ROCK1: variants seen among roughly 807,000 people sequenced by gnomAD.
ROCK1 encodes the protein rho-associated protein kinase 1.
A neutral mutation model predicts 196.8 loss-of-function variants in ROCK1; 36 were observed. The ratio of observed to expected loss-of-function variants is 0.18; its 90% confidence interval spans 0.14 to 0.24. The LOEUF (loss-of-function observed/expected upper bound fraction) is 0.24. Ranked by LOEUF, ROCK1 falls within the 10% of genes least tolerant of loss-of-function variation. ROCK1 has a pLI of 1.00. For synonymous variants in ROCK1, 443 were observed against 515.9 expected, an observed-to-expected ratio of 0.86 and a Z score of 1.91; for missense variants, 920 against 1,562.0, an observed-to-expected ratio of 0.59 and a Z score of 6.93.
intron 22 of ROCK1, among the ~76,000 whole-genome samples, chr18:20,972,161 A>G (rs1356887626): frequency 6.6e-5 from 10 of 152,210 alleles, no homozygotes; most frequent in African/African-American, 2.4e-4. Flanking sequence ...AGAAGTGATT[A>G]GAGTCTATAC....
intron 1 of ROCK1, among the ~76,000 whole-genome samples, chr18:21,107,453 C>G (rs142138113): frequency 1.3e-5 from 2 of 152,216 alleles, no homozygotes; most frequent in South Asian, 4.1e-4. Context: ...AAGGACTGCA[C>G]GTGGCACATA....
chr18:20,993,407 T>C (rs1213343288), intron 16 of ROCK1, among the ~76,000 whole-genome samples: 1 of 152,184 alleles, frequency 6.6e-6, no homozygotes, highest in African/African-American at 2.4e-5. Context: ...TTCACCTTGT[T>C]AGCCAGGATG....
intron 2 of ROCK1, among the ~76,000 whole-genome samples, chr18:21,061,101 CAG>C (rs2036286218): frequency 6.7e-6 from 1 of 148,214 alleles, no homozygotes; most frequent in South Asian, 2.1e-4. Context: ...TTTTTCAAGG[CAG>C]AGTCTTGCTC....
intron 11 of ROCK1, among the ~76,000 whole-genome samples, chr18:21,021,116 T>C (rs1368633426): frequency 6.6e-6 from 1 of 152,152 alleles, no homozygotes; most frequent in Non-Finnish European, 1.5e-5. Context: ...AGGTATCAAT[T>C]GGAAAGCACA....
intron 16 of ROCK1, among the ~76,000 whole-genome samples, chr18:20,997,530 C>T (rs1401652991): frequency 6.6e-6 from 1 of 152,120 alleles, no homozygotes; most frequent in Non-Finnish European, 1.5e-5. Context: ...CAGGGATAGA[C>T]CCCAATCCTG....
At chr18:21,025,194 C>T (rs551173898) in intron 10 of ROCK1, among the ~76,000 whole-genome samples, 2 of 152,254 alleles carry the variant, frequency 1.3e-5, no homozygotes, top group South Asian at 4.1e-4. Flanking sequence ...GGTGCTTTTA[C>T]ATAGAATCTG....
intron 9 of ROCK1, among the ~76,000 whole-genome samples, chr18:21,033,854 T>TAAAAAAAAAAAAAAAAAAAAAAAAAAAAA (rs71269004): frequency 3.0e-5 from 1 of 33,464 alleles, no homozygotes; most frequent in African/African-American, 1.1e-4. Flanking sequence ...CCGTTTCTAC[T>TAAAAAAAAAAAAAAAAAAAAAAAAAAAAA]AAAAAAAAAA....
At chr18:21,070,756 T>C in intron 1 of ROCK1, 143 bp from the exon 2 acceptor site, 1 of 507,764 alleles carries the variant, frequency 2.0e-6, no homozygotes, top group Non-Finnish European at 3.4e-6. Flanking sequence ...CAAGGTTAGA[T>C]GAGTACTGGG....
chr18:21,016,906 A>C (rs1319788754), intron 12 of ROCK1, among the ~76,000 whole-genome samples: 1 of 151,728 alleles, frequency 6.6e-6, no homozygotes, highest in East Asian at 1.9e-4. Flanking sequence ...AGAAAAAAAA[A>C]TTCTCCCCAA....
Position 20,975,155 on chromosome 18 carries a change from G to C in ROCK1, c.2655-4642C>G, listed in dbSNP as rs74567397. On this transcript the variant is annotated intron_variant, in intron 22 of 32. Transcript: ENST00000399799. ...AACAGGTAAGAAAATTATATATTAG[G>C]AGGGAATAAGTGCTGCAGAGAAAAA... Among the ~76,000 whole-genome samples the C allele has an allele frequency of 3.5e-3, 534 of 152,276 alleles. 8 individuals are homozygous for C. The highest frequency in any genetic ancestry group is 0.025 in the East Asian group (131 of 5,194).
At chr18:21,003,439 T>G (rs1352658993) in intron 16 of ROCK1, among the ~76,000 whole-genome samples, 1 of 152,164 alleles carries the variant, frequency 6.6e-6, no homozygotes, top group Non-Finnish European at 1.5e-5. Context: ...TAATTAGATA[T>G]TTTATAATAT....
chr18:21,068,205 C>A (rs2036354077), intron 2 of ROCK1, among the ~76,000 whole-genome samples: 1 of 152,126 alleles, frequency 6.6e-6, no homozygotes, highest in Admixed American at 6.5e-5. Flanking sequence ...TTAGCTCTTA[C>A]ATTTACGTTG....
At position 21,045,492 on chromosome 18, in the gene ROCK1, A is replaced by G. The variant is rs781121177; in HGVS notation, c.415-25T>C. On this transcript the variant is annotated intron_variant, in intron 4 of 32. Coordinates refer to ENST00000399799, the MANE Select transcript of ROCK1 (RefSeq NM_005406.3). ...GCTATACAAATAGAAAAAACAAACA[A>G]AACACATTCATTAATGTTAAACAAA... The G allele has an allele frequency of 2.0e-5, 31 of 1,522,570 alleles. No individual in the cohort carries two copies. The Admixed American group carries it at 5.5e-4, about 27-fold the overall frequency. The allele number at this position is 1,522,570 out of a possible 1,614,324, so 94.3% of individuals were successfully genotyped here. A position where few individuals can be genotyped will look rare whatever the true frequency, so the allele number is the denominator to read the frequency against.
intron 9 of ROCK1, among the ~76,000 whole-genome samples, chr18:21,029,478 A>G (rs905498362): frequency 2.6e-5 from 4 of 152,234 alleles, no homozygotes; most frequent in South Asian, 2.1e-4. Flanking sequence ...CAATATCTCC[A>G]TAAGATTAAG....
chr18:21,003,170 A>G (rs1455528081), intron 16 of ROCK1, among the ~76,000 whole-genome samples: 1 of 152,208 alleles, frequency 6.6e-6, no homozygotes, highest in Non-Finnish European at 1.5e-5. Context: ...ACAGAGCAAC[A>G]TGCTAAATGA....
chr18:20,968,713 A>G lies in ROCK1; in HGVS notation c.3003+59T>C. ...AAGCCTTGGTTTTAGGAAAAAGTGCATAAAGAGCAATGATTAACTCAAAAA... is the reference window on the plus strand; with the variant it reads ...AAGCCTTGGTTTTAGGAAAAAGTGCGTAAAGAGCAATGATTAACTCAAAAA... On this transcript the variant is annotated intron_variant, in intron 25 of 32. Coordinates refer to ENST00000399799, the MANE Select transcript of ROCK1 (RefSeq NM_005406.3). 4.0e-6 allele frequency: 4 copies of G among 1,002,416 alleles called. No individual in the cohort carries two copies. The Middle Eastern group carries it at 6.3e-4, about 157-fold the overall frequency. The allele number at this position is 1,002,416 out of a possible 1,614,324, so 62.1% of individuals were successfully genotyped here.
intron 1 of ROCK1, among the ~76,000 whole-genome samples, chr18:21,080,851 G>T (rs1409443198): frequency 2.0e-5 from 3 of 152,020 alleles, no homozygotes. Flanking sequence ...AAATATACAA[G>T]CCCCATGATA....
In ROCK1 at chr18:21,010,218, G is replaced by A. The variant is rs9965597; in HGVS notation, c.1411-2024C>T. 2.5e-3 allele frequency among the ~76,000 whole-genome samples: 384 copies of A among 151,934 alleles called. 2 individuals carry two copies. The highest frequency in any genetic ancestry group is 8.8e-3 in the African/African-American group (366 of 41,436). On this transcript the variant is annotated intron_variant, in intron 13 of 32. Coordinates refer to ENST00000399799, the MANE Select transcript of ROCK1 (RefSeq NM_005406.3). ...TTGTTCTCTGCTCTTATCGTTACTT[G>A]TCCTTCCTTTTGCTTGTTTTGGGTT... is the stretch of plus-strand genomic sequence containing the variant.
chr18:21,105,557 A>G (rs761626436), intron 1 of ROCK1, among the ~76,000 whole-genome samples: 16 of 152,346 alleles, frequency 1.1e-4, no homozygotes, highest in Non-Finnish European at 2.2e-4. Context: ...AATAATCCAG[A>G]TTCGAAAATG....
Sources: allele counts gnomAD v4.1 joint callset (sites outside exome capture counted in the v4.1 genomes callset), GRCh38; gene constraint gnomAD v4.1.1; transcripts MANE v1.5; gene names NCBI Gene and HGNC (gene_info 2026-07-23, HGNC 2026-07-21).